Variants in MBD5 observed in about 807,000 individuals in gnomAD.
MBD5 encodes the protein methyl-CpG-binding domain protein 5.
A neutral mutation model predicts 117.3 loss-of-function variants in MBD5; 13 were observed. That is an observed-to-expected ratio of 0.11 (90% CI 0.07 to 0.18). The LOEUF (loss-of-function observed/expected upper bound fraction) is 0.18, where lower values mean the gene tolerates loss of function less well. MBD5 is among the 10% of genes least tolerant of loss of function. The pLI, the probability that MBD5 is intolerant of heterozygous loss-of-function variation, is 1.00. For missense variants in MBD5, 1,879 were observed against 2,093.8 expected (o/e 0.90, Z 2.00); for synonymous variants, 727 against 766.4 (o/e 0.95, Z 0.85).
intron 1 of MBD5, among the ~76,000 whole-genome samples, chr2:148,167,880 A>G (rs1389825114): frequency 2.0e-5 from 3 of 152,136 alleles, no homozygotes; most frequent in Non-Finnish European, 4.4e-5. Context: ...GCCCACCACC[A>G]CTTTATTATA....
intron 1 of MBD5, among the ~76,000 whole-genome samples, chr2:148,032,870 TAA>T (rs146374033): frequency 0.032 from 4,824 of 152,236 alleles, 102 homozygotes; most frequent in Middle Eastern, 0.068. Context: ...CGTAGTGTCA[TAA>T]ATATAACCAG....
At chr2:148,233,663 A>C (rs977094864) in intron 3 of MBD5, among the ~76,000 whole-genome samples, 5 of 152,192 alleles carry the variant, frequency 3.3e-5, no homozygotes, top group Admixed American at 3.3e-4. Context: ...GATTTAAATA[A>C]CCAAAATTAA....
At chr2:148,493,946 G>A (rs538917482) in intron 11 of MBD5, among the ~76,000 whole-genome samples, 1 of 152,254 alleles carries the variant, frequency 6.6e-6, no homozygotes, top group East Asian at 1.9e-4. Flanking sequence ...GTCATAGTAG[G>A]TATATTAATC....
At chr2:148,490,792 G>GTT in intron 11 of MBD5, 198 bp downstream of exon 11, 1 of 656,106 alleles carries the variant, frequency 1.5e-6, no homozygotes, top group South Asian at 1.9e-5. Flanking sequence ...CAAGGGGTGA[G>GTT]TTGTAAAGCA....
At chr2:148,335,590 C>G (rs1702766059) in intron 3 of MBD5, among the ~76,000 whole-genome samples, 1 of 151,926 alleles carries the variant, frequency 6.6e-6, no homozygotes, top group African/African-American at 2.4e-5. Flanking sequence ...TGTGGTGGCT[C>G]TCACCTGTGG....
At chr2:148,163,458 G>A (rs1002544800) in intron 1 of MBD5, among the ~76,000 whole-genome samples, 1 of 151,758 alleles carries the variant, frequency 6.6e-6, no homozygotes, top group Admixed American at 6.6e-5. Context: ...TTTCGCTCTT[G>A]TTGCCCAGGC....
intron 1 of MBD5, chr2:148,041,312 T>G (rs1694354211): frequency 1.3e-5 from 2 of 152,222 alleles, no homozygotes; most frequent in Admixed American, 6.5e-5. Flanking sequence ...GAGGAATTTC[T>G]GTGAAGGTGA....
intron 2 of MBD5, among the ~76,000 whole-genome samples, chr2:148,221,519 G>A (rs1171582407): frequency 6.6e-6 from 1 of 152,140 alleles, no homozygotes; most frequent in Non-Finnish European, 1.5e-5. Context: ...TATCAGTGAT[G>A]TTGAGCACTT....
intron 1 of MBD5, among the ~76,000 whole-genome samples, chr2:148,069,597 A>G (rs901929944): frequency 1.3e-5 from 2 of 152,104 alleles, no homozygotes; most frequent in African/African-American, 4.8e-5. Flanking sequence ...GTGGGGAACT[A>G]GAGCAGGCAG....
At chr2:148,280,140 A>AAC (rs1241288104) in intron 3 of MBD5, among the ~76,000 whole-genome samples, 8 of 150,102 alleles carry the variant, frequency 5.3e-5, no homozygotes, top group African/African-American at 1.5e-4. Flanking sequence ...GCAAAAAAAA[A>AAC]AAAAAAAAAA....
intron 1 of MBD5, among the ~76,000 whole-genome samples, chr2:148,124,175 G>A (rs963589984): frequency 5.9e-5 from 9 of 152,150 alleles, no homozygotes; most frequent in African/African-American, 2.2e-4. Flanking sequence ...AGCTACTTGG[G>A]AGACTGAGGC....
chr2:148,142,606 T>C (rs1444816778), intron 1 of MBD5, among the ~76,000 whole-genome samples: 5 of 151,818 alleles, frequency 3.3e-5, no homozygotes, highest in Middle Eastern at 3.2e-3. Context: ...AACAAGTAAA[T>C]CAAGAAAGAG....
chr2:148,387,670 TAGG>T (rs1406086826), intron 4 of MBD5, among the ~76,000 whole-genome samples: 1 of 151,926 alleles, frequency 6.6e-6, no homozygotes, highest in Non-Finnish European at 1.5e-5. Context: ...TTAGTAAAAA[TAGG>T]AGAATTTAGC....
intron 4 of MBD5, among the ~76,000 whole-genome samples, chr2:148,418,082 C>T (rs1705479297): frequency 6.6e-6 from 1 of 152,076 alleles, no homozygotes; most frequent in Non-Finnish European, 1.5e-5. Flanking sequence ...TCAAGCAATA[C>T]CCCCATTTCA....
At chr2:148,328,984 C>A (rs1465886127) in intron 3 of MBD5, among the ~76,000 whole-genome samples, 1 of 151,998 alleles carries the variant, frequency 6.6e-6, no homozygotes, top group Non-Finnish European at 1.5e-5. Context: ...TTTTAAAATT[C>A]TTAATTGAAT....
At chr2:148,509,636 G>A (rs942133939) in intron 12 of MBD5, among the ~76,000 whole-genome samples, 5 of 152,174 alleles carry the variant, frequency 3.3e-5, no homozygotes, top group Non-Finnish European at 5.9e-5. Context: ...CTAGTGGCCA[G>A]AGCCTGCAGT....
At chr2:148,493,808 T>C (rs1269848241) in intron 11 of MBD5, among the ~76,000 whole-genome samples, 1 of 152,310 alleles carries the variant, frequency 6.6e-6, no homozygotes, top group South Asian at 2.1e-4. Flanking sequence ...GTATGGTTTT[T>C]AGACATCGAA....
chr2:148,070,330 A>T (rs1021767912), intron 1 of MBD5, among the ~76,000 whole-genome samples: 1 of 152,248 alleles, frequency 6.6e-6, no homozygotes, highest in Admixed American at 6.5e-5. Flanking sequence ...GCTATGTGAT[A>T]GTAGACATTT....
At chr2:148,184,422 C>A (rs372876883) in intron 2 of MBD5, among the ~76,000 whole-genome samples, 11 of 152,270 alleles carry the variant, frequency 7.2e-5, no homozygotes, top group African/African-American at 2.6e-4. Flanking sequence ...TTTCCTCAAA[C>A]TGATCTTTGG....
Sources: gnomAD v4.1 joint callset for allele counts (sites outside exome capture counted in the v4.1 genomes callset) on GRCh38, gnomAD v4.1.1 for gene constraint, MANE v1.5 for transcripts, NCBI Gene and HGNC (gene_info 2026-07-23, HGNC 2026-07-21) for gene names.